Variants in SFSWAP observed in about 807,000 individuals in gnomAD.
SFSWAP encodes the protein splicing factor, suppressor of white-apricot homolog.
Under a neutral mutation model 100.7 loss-of-function variants are expected in SFSWAP, and 17 were observed. The ratio of observed to expected loss-of-function variants is 0.17; its 90% CI spans 0.12 to 0.25. The LOEUF is 0.25. Among genes scored for constraint, SFSWAP ranks in the 10% least tolerant of loss-of-function variants. The pLI, the probability that SFSWAP is intolerant of heterozygous loss-of-function variation, is 1.00. For missense variants in SFSWAP, 1,005 were observed against 1,262.6 expected (o/e 0.80, Z 3.09); for synonymous variants, 504 against 510.1 (o/e 0.99, Z 0.16).
rs750912721 is a variant in SFSWAP at position 131,753,203 on chromosome 12, G to A, written c.1162G>A (p.Asp388Asn). ...CCTGGCGCCGCCCCCTCCCGGAATCGACGTGACTACTTACTACAGCACCCT... is the reference window on the plus strand; with the variant it reads ...CCTGGCGCCGCCCCCTCCCGGAATCAACGTGACTACTTACTACAGCACCCT... Reference protein sequence around the residue: ...YCLAPPPPGIDVTTYYSTLPA... With the variant: ...YCLAPPPPGINVTTYYSTLPA... Residue 388 changes from aspartate to asparagine, a missense_variant, in exon 8 of 18, where the codon GAC (aspartate) becomes AAC (asparagine). Asp to Asn is a conservative substitution (Grantham distance 23). Transcript: ENST00000261674. 8.7e-6 allele frequency: 14 copies of A among 1,614,018 alleles called. No individual in the cohort carries two copies. Among genetic ancestry groups the A allele is most frequent in the South Asian group, 7.7e-5 (7 of 91,088 alleles).
chr12:131,737,882 T>C (rs1353537048), intron 7 of SFSWAP, among the ~76,000 whole-genome samples: 1 of 152,142 alleles, frequency 6.6e-6, no homozygotes, highest in Non-Finnish European at 1.5e-5. Context: ...AAACTAACAA[T>C]TTATTTCATT....
At position 131,778,020 on chromosome 12, in the gene SFSWAP, G is replaced by C; in HGVS notation, c.2143-45G>C. On this transcript the variant is annotated intron_variant, in intron 13 of 17. Coordinates refer to ENST00000261674, the MANE Select transcript of SFSWAP (RefSeq NM_004592.4). This position sits in a 1 kb window ranked among gnomAD's most constrained non-coding sequence, Gnocchi z 4.2. ...AATTTTATAGATATACATCTTCAAT[G>C]TTCTGTTTTCCCTGTTAACACCCAG... 6.3e-7 allele frequency: 1 copy of C among 1,576,608 alleles called. No individual in the cohort carries two copies. Among genetic ancestry groups the C allele is most frequent in the Non-Finnish European group, 8.6e-7 (1 of 1,167,382 alleles).
At chr12:131,724,101 G>A (rs1038586196) in intron 4 of SFSWAP, among the ~76,000 whole-genome samples, 28 of 152,280 alleles carry the variant, frequency 1.8e-4, no homozygotes, top group African/African-American at 6.7e-4. Flanking sequence ...CTTGAAATAT[G>A]TCCGTAAGAT....
chr12:131,723,929 A>G (rs1878717383), intron 4 of SFSWAP, among the ~76,000 whole-genome samples: 1 of 152,234 alleles, frequency 6.6e-6, no homozygotes, highest in African/African-American at 2.4e-5. Flanking sequence ...TAACATATGC[A>G]TATTTATATG....
intron 14 of SFSWAP, among the ~76,000 whole-genome samples, chr12:131,781,234 A>ATTTTTTTTTTT (rs66608201): frequency 9.8e-6 from 1 of 102,284 alleles, no homozygotes; most frequent in African/African-American, 3.5e-5. Context: ...ATATCTTATT[A>ATTTTTTTTTTT]TTTTTTTTTT....
intron 7 of SFSWAP, among the ~76,000 whole-genome samples, chr12:131,728,883 T>TG (rs908093237): frequency 6.6e-6 from 1 of 152,006 alleles, no homozygotes; most frequent in African/African-American, 2.4e-5. Context: ...TTGATAGGGA[T>TG]GGGGTCTCAC....
At chr12:131,761,601 C>T (rs114082140) in intron 11 of SFSWAP, among the ~76,000 whole-genome samples, 17 of 152,328 alleles carry the variant, frequency 1.1e-4, no homozygotes, top group African/African-American at 4.1e-4. Context: ...AGGGACGTGG[C>T]AGCCTTGGGA....
intron 13 of SFSWAP, among the ~76,000 whole-genome samples, chr12:131,772,296 G>A (rs1349840612): frequency 2.0e-5 from 3 of 152,094 alleles, no homozygotes; most frequent in East Asian, 1.9e-4. Context: ...GTTCAGTCCC[G>A]TTGATCGTTA....
At chr12:131,798,711 G>A (rs1885855087) in intron 16 of SFSWAP, among the ~76,000 whole-genome samples, 1 of 152,098 alleles carries the variant, frequency 6.6e-6, no homozygotes, top group Admixed American at 6.5e-5. Context: ...CCAATATGGT[G>A]AAACCCCGTC....
At chr12:131,780,037 C>A (rs1444819140) in intron 14 of SFSWAP, among the ~76,000 whole-genome samples, 1 of 152,238 alleles carries the variant, frequency 6.6e-6, no homozygotes, top group African/African-American at 2.4e-5. Context: ...CCACCCACCT[C>A]AGCCTCCCAC....
Position 131,725,446 on chromosome 12 carries a change from C to A in SFSWAP, c.648C>A (p.Ala216=). 6.2e-7 allele frequency: 1 copy of A among 1,614,200 alleles called. No homozygotes were observed. Among genetic ancestry groups the A allele is most frequent in the Non-Finnish European group, 8.5e-7 (1 of 1,180,044 alleles). ...AKMHAIIERT[A]SFVCRQGAQF... The stretch of plus-strand genomic sequence containing the variant: ...TGCACGCCATCATCGAGCGCACGGC[C>A]AGCTTCGTGTGCAGGCAGGGAGCAC... Residue 216 remains alanine, a synonymous_variant, in exon 5 of 18, where the codon GCC becomes GCA. Coordinates refer to ENST00000261674, the MANE Select transcript of SFSWAP (RefSeq NM_004592.4). This position sits in a 1 kb window ranked among gnomAD's most constrained non-coding sequence, Gnocchi z 4.3.
At chr12:131,728,882 A>G (rs553259565) in intron 7 of SFSWAP, among the ~76,000 whole-genome samples, 1 of 151,928 alleles carries the variant, frequency 6.6e-6, no homozygotes. Context: ...TTTGATAGGG[A>G]TGGGGTCTCA....
Position 131,714,406 on chromosome 12 carries a change from G to C in SFSWAP, c.388+166G>C. The C allele has an allele frequency of 1.6e-6, 1 of 612,588 alleles. No individual in the cohort carries two copies. Among genetic ancestry groups the C allele is most frequent in the Non-Finnish European group, 2.8e-6 (1 of 361,660 alleles). 37.9% of individuals were successfully genotyped at this position (612,588 alleles called of 1,614,324 possible). A position where few individuals can be genotyped will look rare whatever the true frequency, so the allele number is the denominator to read the frequency against. On this transcript the variant is annotated intron_variant, in intron 2 of 17. Transcript: ENST00000261674. The surrounding 1 kb of genome is among the most constrained non-coding windows in gnomAD (Gnocchi z 6.0). The stretch of plus-strand genomic sequence containing the variant: ...TCTTTGCGTTCTGAGAGGACCTCAG[G>C]ATAGTTTATATATAGAGCCACAAAG...
At chr12:131,754,329 C>T (rs528808388) in intron 8 of SFSWAP, 39 bp from the exon 9 acceptor site, 1 of 1,463,906 alleles carries the variant, frequency 6.8e-7, no homozygotes. Context: ...CTTGGCGAGC[C>T]CCTGAAGCCC....
chr12:131,785,637 C>T (rs1231648378), intron 14 of SFSWAP: 1 of 159,902 alleles, frequency 6.3e-6, no homozygotes, highest in Non-Finnish European at 1.4e-5. Context: ...AAGAGCATCA[C>T]CCCTGGAGGG....
chr12:131,762,373 T>G (rs2136234789), intron 11 of SFSWAP, among the ~76,000 whole-genome samples: 1 of 152,362 alleles, frequency 6.6e-6, no homozygotes. Flanking sequence ...ATTGCACCAC[T>G]GCACTGCAGC....
In SFSWAP at chr12:131,797,469, G is replaced by A. The variant is rs1885767549; in HGVS notation, c.2717+109G>A. On this transcript the variant is annotated intron_variant, in intron 16 of 17. Transcript: ENST00000261674. Reference sequence around the variant, plus strand: ...TATGTCAGTACTCGCCTGTGTCCAGGGGGCGCCAGCCACAAAGCCAAACCG... The same window carrying A: ...TATGTCAGTACTCGCCTGTGTCCAGAGGGCGCCAGCCACAAAGCCAAACCG... 3.8e-6 allele frequency: 4 copies of A among 1,055,468 alleles called. No homozygotes were observed. The South Asian group carries it at 5.1e-5, about 14-fold the overall frequency. 65.4% of individuals were successfully genotyped at this position (1,055,468 alleles called of 1,614,324 possible).
intron 7 of SFSWAP, among the ~76,000 whole-genome samples, chr12:131,743,745 C>T (rs531212269): frequency 3.3e-5 from 5 of 152,360 alleles, no homozygotes; most frequent in East Asian, 1.9e-4. Flanking sequence ...GTGGGGGCTC[C>T]GACCTCACAT....
In SFSWAP at chr12:131,794,644, A is replaced by G. The variant is rs1180246308; in HGVS notation, c.2535-2534A>G. Among the ~76,000 whole-genome samples, 7 of 152,328 alleles carry G rather than the reference A, an allele frequency of 4.6e-5. No homozygotes were observed. The highest frequency in any genetic ancestry group is 1.3e-4 in the Admixed American group (2 of 15,292). ...GTCCTAGAAACCAGAGCAGTGGGGA[A>G]CGCTGAGGGTGGAGAAGGGGTATAG... On this transcript the variant is annotated intron_variant, in intron 15 of 17. Transcript: ENST00000261674. The surrounding 1 kb of genome is among the most constrained non-coding windows in gnomAD (Gnocchi z 4.8).
Sources: gnomAD v4.1 joint callset for allele counts (sites outside exome capture counted in the v4.1 genomes callset) on GRCh38, gnomAD v4.1.1 for gene constraint, Gnocchi (gnomAD v3.1) non-coding constraint, MANE v1.5 for transcripts, NCBI Gene and HGNC (gene_info 2026-07-23, HGNC 2026-07-21) for gene names.